The following RBFOX1 variants were observed in gnomAD, a reference collection of about 807,000 sequenced individuals.
RBFOX1 encodes RNA binding fox-1 homolog 1.
In RBFOX1, 8 loss-of-function variants were observed where a neutral mutation model predicts 57.7. The observed-to-expected ratio is 0.14, with a 90% CI of 0.08 to 0.25. RBFOX1 has a LOEUF of 0.25. RBFOX1 is among the 10% of genes least tolerant of loss of function. The pLI is 1.00. For synonymous variants in RBFOX1, 326 were observed against 222.4 expected (o/e 1.47, Z -4.15); for missense variants, 611 against 548.5 (o/e 1.11, Z -1.14).
At chr16:7,145,291 A>C (rs1001517487) in intron 4 of RBFOX1, among the ~76,000 whole-genome samples, 2 of 152,010 alleles carry the variant, frequency 1.3e-5, no homozygotes, top group African/African-American at 2.4e-5. Flanking sequence ...TGCAGCCTCA[A>C]CTTCCCGGGT....
chr16:6,513,403 A>G lies in RBFOX1; in HGVS notation c.-63-141200A>G, dbSNP rs1020220865. 2.9e-4 allele frequency among the ~76,000 whole-genome samples: 44 copies of G among 152,116 alleles called. 2 individuals are homozygous for G. The highest frequency in any genetic ancestry group is 2.2e-3 in the Admixed American group (33 of 15,282). On this transcript the variant is annotated intron_variant, in intron 2 of 15. Transcript: ENST00000550418. ...TACACATCAAACTTTTCAGGGGAAG[A>G]GAGAGCACATTGGACTCATGACTCT...
intron 4 of RBFOX1, among the ~76,000 whole-genome samples, chr16:5,885,121 C>G (rs2057866153): frequency 6.6e-6 from 1 of 152,122 alleles, no homozygotes; most frequent in African/African-American, 2.4e-5. Context: ...GACCTCTTAA[C>G]CTTTCCTTTC....
intron 3 of RBFOX1, among the ~76,000 whole-genome samples, chr16:5,770,465 G>A (rs1251942991): frequency 6.6e-6 from 1 of 152,134 alleles, no homozygotes; most frequent in Admixed American, 6.5e-5. Context: ...CCTTTTCCAG[G>A]AAATTCATGA....
intron 2 of RBFOX1, among the ~76,000 whole-genome samples, chr16:5,533,297 A>G (rs755293529): frequency 2.0e-5 from 3 of 152,242 alleles, no homozygotes; most frequent in Non-Finnish European, 4.4e-5. Flanking sequence ...AACAAGCATC[A>G]TGTTTTAATA....
intron 3 of RBFOX1, among the ~76,000 whole-genome samples, chr16:6,771,322 A>G (rs923669138): frequency 6.6e-6 from 1 of 152,150 alleles, no homozygotes; most frequent in Non-Finnish European, 1.5e-5. Context: ...AAGCTGACAC[A>G]CTTCTGCTCA....
At chr16:7,443,371 T>A (rs530509900) in intron 4 of RBFOX1, among the ~76,000 whole-genome samples, 4 of 151,420 alleles carry the variant, frequency 2.6e-5, no homozygotes, top group Admixed American at 6.6e-5. Flanking sequence ...TCTCACACAC[T>A]CTCTTTCACA....
chr16:5,349,208 T>G (rs2065208508), intron 1 of RBFOX1, among the ~76,000 whole-genome samples: 1 of 152,210 alleles, frequency 6.6e-6, no homozygotes, highest in Non-Finnish European at 1.5e-5. Flanking sequence ...AAATACCATA[T>G]GAGTCCACTT....
chr16:6,960,548 T>A (rs1244206426), intron 3 of RBFOX1, among the ~76,000 whole-genome samples: 1 of 151,998 alleles, frequency 6.6e-6, no homozygotes, highest in Admixed American at 6.6e-5. Flanking sequence ...GTCACCTCTT[T>A]CTTGTATCTG....
chr16:5,847,886 C>G (rs1426685387), intron 3 of RBFOX1, among the ~76,000 whole-genome samples: 1 of 151,534 alleles, frequency 6.6e-6, no homozygotes, highest in African/African-American at 2.4e-5. Context: ...GCATTGCCAA[C>G]AGATTGTCTG....
intron 1 of RBFOX1, among the ~76,000 whole-genome samples, chr16:6,206,287 C>T (rs550780164): frequency 9.2e-5 from 14 of 152,182 alleles, no homozygotes; most frequent in East Asian, 5.8e-4. Flanking sequence ...TTACCTGGGC[C>T]GCTCTTTCCT....
At chr16:7,452,601 T>A (rs1187192820) in intron 4 of RBFOX1, among the ~76,000 whole-genome samples, 2 of 152,170 alleles carry the variant, frequency 1.3e-5, no homozygotes, top group Admixed American at 1.3e-4. Flanking sequence ...TATTCATGCA[T>A]GAAATGTATC....
chr16:6,854,482 G>C (rs535355742), intron 3 of RBFOX1, among the ~76,000 whole-genome samples: 2 of 152,170 alleles, frequency 1.3e-5, no homozygotes, highest in East Asian at 1.9e-4. Flanking sequence ...GCCAGAAATA[G>C]GAAGTTTAGC....
At chr16:7,156,169 C>T (rs189417452) in intron 4 of RBFOX1, among the ~76,000 whole-genome samples, 7 of 151,936 alleles carry the variant, frequency 4.6e-5, no homozygotes, top group Admixed American at 2.0e-4. Context: ...TGTGCCTGGC[C>T]GATCCCTCAA....
intron 4 of RBFOX1, among the ~76,000 whole-genome samples, chr16:6,011,218 T>A (rs1451970502): frequency 6.6e-6 from 1 of 152,246 alleles, no homozygotes; most frequent in Non-Finnish European, 1.5e-5. Context: ...GATTATAAAT[T>A]CATTAACTAT....
chr16:5,842,090 G>T (rs527348362), intron 3 of RBFOX1, among the ~76,000 whole-genome samples: 1 of 152,290 alleles, frequency 6.6e-6, no homozygotes, highest in Admixed American at 6.5e-5. Context: ...TGGATTTTGT[G>T]TGTCAGGTTC....
At chr16:6,179,587 T>G (rs1403977112) in intron 1 of RBFOX1, among the ~76,000 whole-genome samples, 6 of 152,134 alleles carry the variant, frequency 3.9e-5, no homozygotes, top group Non-Finnish European at 8.8e-5. Flanking sequence ...CCCACTAGTG[T>G]TATCAATCCC....
At chr16:7,251,414 T>TG (rs1187712664) in intron 4 of RBFOX1, among the ~76,000 whole-genome samples, 12 of 147,346 alleles carry the variant, frequency 8.1e-5, no homozygotes, top group Non-Finnish European at 1.8e-4. Flanking sequence ...CGTTTTTTTT[T>TG]TTTTTTTCTG....
intron 1 of RBFOX1, among the ~76,000 whole-genome samples, chr16:6,187,964 A>C (rs1444994535): frequency 6.6e-6 from 1 of 152,106 alleles, no homozygotes. Flanking sequence ...AATCTCAACT[A>C]TTCTTATTTT....
rs541787432 is a variant in RBFOX1, at chr16:5,352,248, C to T, written c.219+112143C>T. ...CTGCGCTTGTCCACCCTGGGAGTGGCTGGGAGATGCTATGAACTCTTGTCC... is the reference window on the plus strand; with the variant it reads ...CTGCGCTTGTCCACCCTGGGAGTGGTTGGGAGATGCTATGAACTCTTGTCC... On this transcript the variant is annotated intron_variant, in intron 1 of 2. Coordinates refer to the RBFOX1 transcript ENST00000585867. 3.9e-5 allele frequency among the ~76,000 whole-genome samples: 6 copies of T among 152,310 alleles called. No individual in the cohort carries two copies. In the East Asian group the frequency reaches 9.7e-4, roughly 25 times the overall value.
Sources: gnomAD v4.1 joint callset for allele counts (sites outside exome capture counted in the v4.1 genomes callset) on GRCh38, gnomAD v4.1.1 for gene constraint, MANE v1.5 for transcripts, NCBI Gene and HGNC (gene_info 2026-07-23, HGNC 2026-07-21) for gene names.